The following PPP1R1C variants were observed in gnomAD, a reference collection of about 807,000 sequenced individuals.
PPP1R1C encodes the protein protein phosphatase 1 regulatory subunit 1C.
A neutral mutation model predicts 17.4 loss-of-function variants in PPP1R1C; 15 were observed. The ratio of observed to expected loss-of-function variants is 0.86; its 90% CI spans 0.58 to 1.33. The LOEUF is 1.33. Among genes scored for constraint, PPP1R1C ranks in the 40% most tolerant of loss-of-function variants. The pLI is 0.00. For missense variants in PPP1R1C, 143 were observed against 130.0 expected (o/e 1.10, Z -0.48); for synonymous variants, 35 against 43.1 (o/e 0.81, Z 0.73).
intron 4 of PPP1R1C, among the ~76,000 whole-genome samples, chr2:182,081,780 C>T (rs1486413705): frequency 1.3e-5 from 2 of 152,178 alleles, no homozygotes; most frequent in African/African-American, 4.8e-5. Context: ...ACTTCAACCA[C>T]TCATCACGTA....
At chr2:182,011,661 G>T (rs1243529422) in intron 2 of PPP1R1C, among the ~76,000 whole-genome samples, 1 of 151,830 alleles carries the variant, frequency 6.6e-6, no homozygotes, top group African/African-American at 2.4e-5. Flanking sequence ...ACTAATTTCA[G>T]GTTTGGTTTG....
intron 2 of PPP1R1C, among the ~76,000 whole-genome samples, chr2:182,027,171 C>G (rs1394412860): frequency 1.3e-3 from 174 of 133,946 alleles, no homozygotes; most frequent in African/African-American, 5.0e-3. Context: ...GACAATTTGA[C>G]TTCCTCTTTT....
intron 4 of PPP1R1C, among the ~76,000 whole-genome samples, chr2:182,083,086 G>A (rs556481158): frequency 1.3e-5 from 2 of 152,266 alleles, no homozygotes; most frequent in East Asian, 3.9e-4. Flanking sequence ...TGAGGTATTT[G>A]TGATATTAGA....
In PPP1R1C at chr2:181,979,590, C is replaced by T. The variant is rs183668881; in HGVS notation, n.157+4326C>T. 5.3e-5 allele frequency among the ~76,000 whole-genome samples: 8 copies of T among 152,258 alleles called. No individual in the cohort carries two copies. The East Asian group carries it at 1.5e-3, about 29-fold the overall frequency. ...TAAATCCCACATTTCTTTGCATGGG[C>T]AAGAATGACTCAAAAGCTAGGCTCA... On this transcript the variant is annotated intron_variant and non_coding_transcript_variant, in intron 2 of 5. Coordinates refer to the PPP1R1C transcript ENST00000464264.
chr2:181,972,662 T>C (rs565057858), intron 1 of PPP1R1C, among the ~76,000 whole-genome samples: 94 of 152,266 alleles, frequency 6.2e-4, no homozygotes, highest in African/African-American at 2.1e-3. Flanking sequence ...AGTGACCATA[T>C]GTACAAAGTG....
intron 2 of PPP1R1C, among the ~76,000 whole-genome samples, chr2:182,037,585 C>CA (rs71008206): frequency 0.2 from 24,376 of 124,344 alleles, 2,404 homozygotes; most frequent in South Asian, 0.31. Flanking sequence ...GAATCCATCT[C>CA]AAAAAAAAAA....
At position 181,961,742 on chromosome 2, in the gene PPP1R1C, T is replaced by C. The variant is rs2125130738; in HGVS notation, n.111+7108T>C. Reference sequence around the variant, plus strand: ...TGGGCCCGGATATCTGCTATGATCTTGGCAAGGTCCTGAGATTTGGGGGCA... The same window carrying C: ...TGGGCCCGGATATCTGCTATGATCTCGGCAAGGTCCTGAGATTTGGGGGCA... On this transcript the variant is annotated intron_variant and non_coding_transcript_variant, in intron 1 of 5. Coordinates refer to the PPP1R1C transcript ENST00000464264. This position sits in a 1 kb window ranked among gnomAD's most constrained non-coding sequence, Gnocchi z 5.8. The C allele has an allele frequency of 2.9e-6, 3 of 1,020,066 alleles. No individual in the cohort carries two copies. In the East Asian group the frequency reaches 7.1e-5, roughly 24 times the overall value. The allele number at this position is 1,020,066 out of a possible 1,614,324, so 63.2% of individuals were successfully genotyped here. A position where few individuals can be genotyped will look rare whatever the true frequency, so the allele number is the denominator to read the frequency against.
At chr2:182,050,483 A>T (rs144679088) in intron 2 of PPP1R1C, among the ~76,000 whole-genome samples, 4 of 152,192 alleles carry the variant, frequency 2.6e-5, no homozygotes, top group Non-Finnish European at 4.4e-5. Flanking sequence ...CTGCCTCTGC[A>T]GCCCACTCTC....
At chr2:182,049,320 G>C (rs1687437851) in intron 2 of PPP1R1C, among the ~76,000 whole-genome samples, 1 of 133,312 alleles carries the variant, frequency 7.5e-6, no homozygotes, top group Non-Finnish European at 1.6e-5. Context: ...GTAACAGAAT[G>C]AGATTCCATC....
At chr2:182,048,798 C>T (rs1161123881) in intron 2 of PPP1R1C, 1 of 152,198 alleles carries the variant, frequency 6.6e-6, no homozygotes, top group Non-Finnish European at 1.5e-5. Flanking sequence ...GAAAGAGATT[C>T]TACCTTCAAA....
chr2:181,962,462 C>G lies in PPP1R1C; in HGVS notation n.111+7828C>G, dbSNP rs577937231. ...CAGGTAGTTGGTGGAGAAGATGGAG[C>G]GAGTGGTGAAGCTCATGCTATCCAG... is the stretch of plus-strand genomic sequence containing the variant. On this transcript the variant is annotated intron_variant and non_coding_transcript_variant, in intron 1 of 5. Transcript: ENST00000464264. This position sits in a 1 kb window ranked among gnomAD's most constrained non-coding sequence, Gnocchi z 6.0. 1 of 700,334 alleles carries G rather than the reference C, an allele frequency of 1.4e-6. No homozygotes were observed. The highest frequency in any genetic ancestry group is 2.9e-5 in the East Asian group (1 of 34,616). 43.4% of individuals were successfully genotyped at this position (700,334 alleles called of 1,614,324 possible).
chr2:182,005,303 A>T (rs979410735), intron 2 of PPP1R1C, among the ~76,000 whole-genome samples: 10 of 152,224 alleles, frequency 6.6e-5, no homozygotes, highest in African/African-American at 2.2e-4. Flanking sequence ...TCTGCTGAGC[A>T]GTCACTGACA....
chr2:182,075,008 C>G (rs1212051333), intron 4 of PPP1R1C, among the ~76,000 whole-genome samples: 1 of 152,082 alleles, frequency 6.6e-6, no homozygotes, highest in East Asian at 1.9e-4. Flanking sequence ...AAATACCAAG[C>G]AGGATAAGAA....
chr2:182,122,415 T>C (rs184399734), downstream of PPP1R1C, among the ~76,000 whole-genome samples: 14 of 152,322 alleles, frequency 9.2e-5, no homozygotes, highest in East Asian at 2.7e-3. Context: ...CATGATTCCA[T>C]ACCTATTATG....
At chr2:181,980,492 C>T (rs1366731242) in intron 2 of PPP1R1C, among the ~76,000 whole-genome samples, 2 of 152,190 alleles carry the variant, frequency 1.3e-5, no homozygotes, top group East Asian at 1.9e-4. Flanking sequence ...TTGACTGTGT[C>T]CCCATGACAC....
intron 4 of PPP1R1C, among the ~76,000 whole-genome samples, chr2:182,074,345 ATTC>A (rs1688232700): frequency 6.6e-6 from 1 of 152,026 alleles, no homozygotes; most frequent in African/African-American, 2.4e-5. Flanking sequence ...CCAGCCAAAA[ATTC>A]TTCTATGATA....
In PPP1R1C at chr2:182,127,574, G is replaced by A. The variant is rs374070212; in HGVS notation, c.*7-1400G>A. On this transcript the variant is annotated intron_variant, in intron 5 of 5. Transcript: ENST00000280295. ...AACCAAGCTGCTGCTCCAAGCATCTGGTCGGTCCAAGTAGAAAGAACAGTG... is the reference window on the plus strand; with the variant it reads ...AACCAAGCTGCTGCTCCAAGCATCTAGTCGGTCCAAGTAGAAAGAACAGTG... Among the ~76,000 whole-genome samples, 12 of 152,150 alleles carry A rather than the reference G, an allele frequency of 7.9e-5. 1 individual carries two copies. In the East Asian group the frequency reaches 1.7e-3, roughly 22 times the overall value.
intron 4 of PPP1R1C, among the ~76,000 whole-genome samples, chr2:182,084,509 T>C (rs1307227974): frequency 6.6e-6 from 1 of 152,166 alleles, no homozygotes; most frequent in African/African-American, 2.4e-5. Flanking sequence ...CTCAGCGCCA[T>C]TTATTAAGTA....
intron 2 of PPP1R1C, among the ~76,000 whole-genome samples, chr2:182,048,079 A>G (rs1687397077): frequency 6.6e-6 from 1 of 152,212 alleles, no homozygotes; most frequent in African/African-American, 2.4e-5. Flanking sequence ...CACTTTCATC[A>G]TTTAAAATGG....
Sources: allele counts gnomAD v4.1 joint callset (sites outside exome capture counted in the v4.1 genomes callset), GRCh38; gene constraint gnomAD v4.1.1; non-coding constraint Gnocchi (gnomAD v3.1); transcripts MANE v1.5; gene names NCBI Gene and HGNC (gene_info 2026-07-23, HGNC 2026-07-21).